The following ABCG2 variants were observed in gnomAD, a reference collection of about 807,000 sequenced individuals.
The protein encoded by ABCG2 is ATP binding cassette subfamily G member 2 (JR blood group).
A neutral mutation model predicts 73.5 loss-of-function variants in ABCG2; 80 were observed. The ratio of observed to expected loss-of-function variants is 1.09; its 90% CI spans 0.91 to 1.31. The LOEUF is 1.31. Ranked by LOEUF, ABCG2 falls within the 50% of genes most tolerant of loss-of-function variation. The pLI is 0.00. For missense variants in ABCG2, 796 were observed against 786.2 expected (o/e 1.01, Z -0.15); for synonymous variants, 269 against 282.4 (o/e 0.95, Z 0.48).
intron 1 of ABCG2, among the ~76,000 whole-genome samples, chr4:88,194,469 G>A (rs1238941184): frequency 1.4e-5 from 2 of 145,184 alleles, no homozygotes; most frequent in African/African-American, 5.2e-5. Flanking sequence ...AGAATGGCGT[G>A]AACCTGGGAG....
At chr4:88,222,868 C>T (rs1730064560) in intron 1 of ABCG2, among the ~76,000 whole-genome samples, 2 of 152,208 alleles carry the variant, frequency 1.3e-5, no homozygotes, top group African/African-American at 2.4e-5. Context: ...GAAGAGGGGG[C>T]TATACCTTGA....
chr4:88,184,866 A>C, intron 1 of ABCG2, among the ~76,000 whole-genome samples: 1 of 152,246 alleles, frequency 6.6e-6, no homozygotes, highest in East Asian at 1.9e-4. Flanking sequence ...CCAATGGAAC[A>C]GAATAGAGAA....
intron 1 of ABCG2, among the ~76,000 whole-genome samples, chr4:88,175,748 C>T (rs1727938403): frequency 6.6e-6 from 1 of 152,202 alleles, no homozygotes; most frequent in Admixed American, 6.5e-5. Flanking sequence ...TGCTTTCTAG[C>T]ATAACAACAT....
chr4:88,199,636 A>G (rs1729073387), intron 1 of ABCG2, among the ~76,000 whole-genome samples: 1 of 152,262 alleles, frequency 6.6e-6, no homozygotes, highest in South Asian at 2.1e-4. Context: ...AGACTTTCTC[A>G]GACAAATAAA....
intron 10 of ABCG2, among the ~76,000 whole-genome samples, chr4:88,105,331 C>G (rs922589251): frequency 6.6e-6 from 1 of 152,162 alleles, no homozygotes; most frequent in Non-Finnish European, 1.5e-5. Flanking sequence ...GGGGATACTA[C>G]CATCTACCCC....
At position 88,186,603 on chromosome 4, in the gene ABCG2, C is replaced by T. The variant is rs376741462; in HGVS notation, c.-20+44391G>A. On this transcript the variant is annotated intron_variant, in intron 1 of 15. Coordinates refer to the ABCG2 transcript ENST00000515655. ...CAAGCCTGGCTAACATGGTGAAATCCTGTCTCTACTAAAAATACAAAAATT... is the reference window on the plus strand; with the variant it reads ...CAAGCCTGGCTAACATGGTGAAATCTTGTCTCTACTAAAAATACAAAAATT... 1.1e-3 allele frequency among the ~76,000 whole-genome samples: 162 copies of T among 152,278 alleles called. 1 individual carries two copies. Among genetic ancestry groups the T allele is most frequent in the African/African-American group, 3.6e-3 (151 of 41,558 alleles).
At chr4:88,176,498 T>G (rs928879848) in intron 1 of ABCG2, among the ~76,000 whole-genome samples, 9 of 72,160 alleles carry the variant, frequency 1.2e-4, no homozygotes, top group Non-Finnish European at 3.1e-4. Context: ...TTTTTTTTTT[T>G]GTGACAGGGT....
At chr4:88,143,460 A>C (rs1725775454) in intron 1 of ABCG2, among the ~76,000 whole-genome samples, 1 of 152,212 alleles carries the variant, frequency 6.6e-6, no homozygotes, top group African/African-American at 2.4e-5. Context: ...CGGAAATTTT[A>C]AAGACACTTT....
intron 5 of ABCG2, among the ~76,000 whole-genome samples, chr4:88,122,748 T>TA: frequency 6.6e-6 from 1 of 152,280 alleles, no homozygotes; most frequent in East Asian, 1.9e-4. Flanking sequence ...TCAGCAGACT[T>TA]AAACGTTCCT....
intron 10 of ABCG2, among the ~76,000 whole-genome samples, chr4:88,106,284 C>T (rs1469573056): frequency 6.6e-6 from 1 of 152,116 alleles, no homozygotes; most frequent in Non-Finnish European, 1.5e-5. Context: ...ACTACAGACA[C>T]ATGCCACCAC....
intron 1 of ABCG2, among the ~76,000 whole-genome samples, chr4:88,213,173 G>A (rs562488405): frequency 2.0e-4 from 31 of 152,154 alleles, no homozygotes; most frequent in African/African-American, 7.5e-4. Flanking sequence ...CAAACTGTTG[G>A]GATTACTGGC....
At chr4:88,199,857 C>T (rs942796784) in intron 1 of ABCG2, among the ~76,000 whole-genome samples, 13 of 152,024 alleles carry the variant, frequency 8.6e-5, no homozygotes, top group Non-Finnish European at 1.6e-4. Flanking sequence ...AAAGATTAGC[C>T]GGGCGTGGTC....
In ABCG2 at chr4:88,131,886, G is replaced by T; in HGVS notation, c.295C>A (p.Pro99Thr). 6.2e-7 allele frequency: 1 copy of T among 1,613,910 alleles called. No homozygotes were observed. Residue 99 changes from proline to threonine, a missense_variant, in exon 4 of 16, where the codon CCA becomes ACA. Coordinates refer to ENST00000237612, the MANE Select transcript of ABCG2 (RefSeq NM_004827.3). ...AGAACATCTCCAGATAATCCACTTGGATCTTTCCTTGCAGCTAAGACATCT... is the reference window on the plus strand; with the variant it reads ...AGAACATCTCCAGATAATCCACTTGTATCTTTCCTTGCAGCTAAGACATCT... ...LLDVLAARKD[P>T]SGLSGDVLIN...
intron 5 of ABCG2, among the ~76,000 whole-genome samples, chr4:88,129,457 T>C (rs1008911564): frequency 6.6e-6 from 1 of 152,190 alleles, no homozygotes; most frequent in African/African-American, 2.4e-5. Flanking sequence ...CTATTTTCCC[T>C]AGATATCCTA....
intron 1 of ABCG2, among the ~76,000 whole-genome samples, chr4:88,211,361 C>CCCG (rs1553900229): frequency 1.5e-4 from 8 of 55,170 alleles, no homozygotes; most frequent in South Asian, 8.5e-4. Context: ...AACCCCTGCC[C>CCCG]CACCCCCCCC....
intron 9 of ABCG2, among the ~76,000 whole-genome samples, chr4:88,110,332 C>T (rs2110000940): frequency 1.3e-5 from 2 of 152,114 alleles, no homozygotes; most frequent in South Asian, 4.2e-4. Context: ...CACCTGAGGT[C>T]AGGAGTTCGA....
chr4:88,168,422 G>A (rs1262246052), intron 1 of ABCG2, among the ~76,000 whole-genome samples: 1 of 151,994 alleles, frequency 6.6e-6, no homozygotes, highest in Non-Finnish European at 1.5e-5. Flanking sequence ...AGGAGGCAGA[G>A]GTTGCAGTGA....
intron 10 of ABCG2, among the ~76,000 whole-genome samples, chr4:88,106,670 A>T (rs2109993890): frequency 6.6e-6 from 1 of 152,330 alleles, no homozygotes; most frequent in South Asian, 2.1e-4. Flanking sequence ...TGAGAAGACA[A>T]AAAGAATTCT....
chr4:88,125,607 CAAAAAAA>C (rs70957302), intron 5 of ABCG2, among the ~76,000 whole-genome samples: 8 of 34,952 alleles, frequency 2.3e-4, no homozygotes, highest in Admixed American at 1.1e-3. Flanking sequence ...GACTCTGTCT[CAAAAAAA>C]AAAAAAAAAA....
Sources: gnomAD v4.1 joint callset for allele counts (sites outside exome capture counted in the v4.1 genomes callset) on GRCh38, gnomAD v4.1.1 for gene constraint, MANE v1.5 for transcripts, NCBI Gene and HGNC (gene_info 2026-07-23, HGNC 2026-07-21) for gene names.